CCDC192: variants seen among roughly 807,000 people sequenced by gnomAD.
CCDC192 encodes coiled-coil domain containing 192.
intron 3 of CCDC192, chr5:127,786,653 C>T (rs1009652618): frequency 3.9e-6 from 3 of 760,912 alleles, no homozygotes; most frequent in African/African-American, 3.4e-5. Flanking sequence ...TTCCATTCAG[C>T]ACTTTGCTTG....
At chr5:127,895,746 G>A (rs955862441) in intron 6 of CCDC192, among the ~76,000 whole-genome samples, 2 of 151,924 alleles carry the variant, frequency 1.3e-5, no homozygotes, top group Admixed American at 1.3e-4. Flanking sequence ...AGGCTGAGGT[G>A]GGGGTATGAC....
intron 5 of CCDC192, among the ~76,000 whole-genome samples, chr5:127,812,154 T>G (rs1758117282): frequency 6.6e-6 from 1 of 152,194 alleles, no homozygotes; most frequent in Non-Finnish European, 1.5e-5. Flanking sequence ...TATAAAATCC[T>G]TAGACTGGTA....
chr5:127,900,960 T>G (rs245160), intron 6 of CCDC192, among the ~76,000 whole-genome samples: 110,572 of 152,078 alleles, frequency 0.73, 40,824 homozygotes, highest in African/African-American at 0.87. Context: ...ACCAATTTGA[T>G]AAAAAAATTA....
chr5:127,806,906 G>A (rs772173253), intron 5 of CCDC192, among the ~76,000 whole-genome samples: 2 of 152,150 alleles, frequency 1.3e-5, no homozygotes, highest in Non-Finnish European at 2.9e-5. Flanking sequence ...GAATCATGAG[G>A]GGTTTTAAAA....
chr5:127,764,661 C>T (rs1755117878), intron 3 of CCDC192, among the ~76,000 whole-genome samples: 1 of 151,918 alleles, frequency 6.6e-6, no homozygotes, highest in Non-Finnish European at 1.5e-5. Context: ...TTTGGCTTCT[C>T]TTGGCCACAT....
intron 3 of CCDC192, among the ~76,000 whole-genome samples, chr5:127,762,911 C>T (rs551752995): frequency 1.4e-4 from 21 of 152,184 alleles, no homozygotes; most frequent in Non-Finnish European, 2.8e-4. Flanking sequence ...AAATATTAAT[C>T]GAGTTTATAC....
At chr5:127,867,326 T>A (rs1391489043) in intron 5 of CCDC192, among the ~76,000 whole-genome samples, 2 of 152,202 alleles carry the variant, frequency 1.3e-5, no homozygotes, top group Admixed American at 1.3e-4. Flanking sequence ...GCAAAGTATC[T>A]GACCGATTAT....
chr5:127,730,049 C>T (rs573641037), intron 2 of CCDC192, among the ~76,000 whole-genome samples: 1 of 151,942 alleles, frequency 6.6e-6, no homozygotes, highest in East Asian at 1.9e-4. Flanking sequence ...GATAGAGACA[C>T]AAAAAACCCT....
At chr5:127,761,201 T>C (rs1754909477) in intron 3 of CCDC192, among the ~76,000 whole-genome samples, 1 of 152,206 alleles carries the variant, frequency 6.6e-6, no homozygotes, top group African/African-American at 2.4e-5. Flanking sequence ...TGTTTGTTTT[T>C]GTTGGTCAGC....
intron 2 of CCDC192, among the ~76,000 whole-genome samples, chr5:127,719,480 T>TATATATATATACACACACACATAC (rs1751843846): frequency 4.1e-4 from 21 of 51,620 alleles, no homozygotes; most frequent in African/African-American, 1.1e-3. Context: ...CACATACATA[T>TATATATATATACACACACACATAC]ATATATATAT....
chr5:127,797,764 TATATATA>T (rs1561494197), intron 4 of CCDC192, among the ~76,000 whole-genome samples: 1,349 of 19,582 alleles, frequency 0.069, 40 homozygotes, highest in African/African-American at 0.1. Context: ...TATATATATA[TATATATA>T]TATATATTTA....
At chr5:127,908,674 AATTTT>A (rs1233942004) in intron 6 of CCDC192, among the ~76,000 whole-genome samples, 2 of 152,162 alleles carry the variant, frequency 1.3e-5, no homozygotes, top group Non-Finnish European at 2.9e-5. Flanking sequence ...TAGACTTGGT[AATTTT>A]ATTTTATTTT....
upstream of CCDC192, among the ~76,000 whole-genome samples, chr5:127,702,578 C>A (rs537133034): frequency 6.6e-6 from 1 of 152,288 alleles, no homozygotes; most frequent in Admixed American, 6.5e-5. Context: ...AATGCTCTAA[C>A]CCTAGAAGCA....
intron 6 of CCDC192, among the ~76,000 whole-genome samples, chr5:127,907,057 T>C (rs1204871883): frequency 6.6e-6 from 1 of 152,188 alleles, no homozygotes; most frequent in Non-Finnish European, 1.5e-5. Flanking sequence ...TTTTTCACGA[T>C]AGCCATCCTA....
intron 6 of CCDC192, among the ~76,000 whole-genome samples, chr5:127,882,991 T>G (rs1285686655): frequency 6.6e-6 from 1 of 152,112 alleles, no homozygotes; most frequent in African/African-American, 2.4e-5. Context: ...CTACCTAGGG[T>G]TTTCTAAGAA....
At chr5:127,805,112 C>T (rs979532361) in intron 5 of CCDC192, among the ~76,000 whole-genome samples, 1 of 152,172 alleles carries the variant, frequency 6.6e-6, no homozygotes, top group Non-Finnish European at 1.5e-5. Context: ...TCTATGTGCT[C>T]TAGAAGCATC....
At chr5:127,802,794 A>T (rs368907528) in intron 5 of CCDC192, among the ~76,000 whole-genome samples, 109 of 152,310 alleles carry the variant, frequency 7.2e-4, no homozygotes, top group African/African-American at 2.6e-3. Context: ...TATTGAAATG[A>T]ATTGTTAAAG....
chr5:127,809,088 A>T (rs922460745), intron 5 of CCDC192, among the ~76,000 whole-genome samples: 1 of 152,216 alleles, frequency 6.6e-6, no homozygotes, highest in Non-Finnish European at 1.5e-5. Context: ...CTGTTACTTT[A>T]TGAATGTTAA....
intron 6 of CCDC192, among the ~76,000 whole-genome samples, chr5:127,905,497 G>T (rs1414783326): frequency 2.0e-5 from 3 of 152,132 alleles, no homozygotes; most frequent in South Asian, 4.1e-4. Context: ...TTCTGTCATT[G>T]ACTGGTAATG....
Sources: allele counts gnomAD v4.1 joint callset (sites outside exome capture counted in the v4.1 genomes callset), GRCh38; gene constraint gnomAD v4.1.1; transcripts MANE v1.5; gene names NCBI Gene and HGNC (gene_info 2026-07-23, HGNC 2026-07-21).